The following NIBAN2 variants were observed in gnomAD, a reference collection of about 807,000 sequenced individuals.
The protein encoded by NIBAN2 is niban apoptosis regulator 2.
A neutral mutation model predicts 81.8 loss-of-function variants in NIBAN2; 36 were observed. The ratio of observed to expected loss-of-function variants is 0.44; its 90% CI spans 0.34 to 0.58. The LOEUF (loss-of-function observed/expected upper bound fraction) is 0.58. NIBAN2 is among the 20% of genes least tolerant of loss of function. The pLI is 0.02. For synonymous variants in NIBAN2, 445 were observed against 441.6 expected, an observed-to-expected ratio of 1.01 and a Z score of -0.10; for missense variants, 897 against 1,014.1, an observed-to-expected ratio of 0.88 and a Z score of 1.57.
At chr9:127,568,109 G>A (rs868768686) in intron 1 of NIBAN2, among the ~76,000 whole-genome samples, 37 of 152,234 alleles carry the variant, frequency 2.4e-4, no homozygotes, top group Non-Finnish European at 2.6e-4. Flanking sequence ...TGGCCACTGT[G>A]CAGTAATAGG....
At chr9:127,578,675 AAAAAG>A (rs1215603271) in intron 1 of NIBAN2, among the ~76,000 whole-genome samples, 1 of 146,452 alleles carries the variant, frequency 6.8e-6, no homozygotes, top group Non-Finnish European at 1.5e-5. Flanking sequence ...CCTAAAAAAA[AAAAAG>A]AAAAGAAAAG....
chr9:127,571,147 A>G (rs192318698), upstream of NIBAN2, among the ~76,000 whole-genome samples: 27 of 152,258 alleles, frequency 1.8e-4, 1 homozygote, highest in African/African-American at 5.8e-4. Context: ...ATGGGGCCAC[A>G]GTGGCCTTTC....
chr9:127,515,535 A>C (rs1222654547), intron 8 of NIBAN2, among the ~76,000 whole-genome samples: 10 of 68,468 alleles, frequency 1.5e-4, no homozygotes, highest in Middle Eastern at 0.017. Context: ...AAAAAAAAAA[A>C]AAAACAAACA....
chr9:127,552,856 T>A (rs1837604074), intron 1 of NIBAN2, among the ~76,000 whole-genome samples: 1 of 152,014 alleles, frequency 6.6e-6, no homozygotes. Flanking sequence ...CACGCCTGGC[T>A]AATTTTTGTA....
chr9:127,505,520 G>T lies in NIBAN2; in HGVS notation c.*1325C>A. The T allele has an allele frequency of 6.5e-6, 1 of 152,856 alleles. No individual in the cohort carries two copies. The highest frequency in any genetic ancestry group is 1.5e-5 in the Non-Finnish European group (1 of 68,112). 9.5% of individuals were successfully genotyped at this position (152,856 alleles called of 1,614,324 possible). On this transcript the variant is annotated 3_prime_UTR_variant, in exon 14 of 14. Transcript: ENST00000373312. ...CTGCGGCAGCTGGGGGTCCCTGAGTGCCAGGCGCCACCACACGTCCTGTGG... is the reference window on the plus strand; with the variant it reads ...CTGCGGCAGCTGGGGGTCCCTGAGTTCCAGGCGCCACCACACGTCCTGTGG...
chr9:127,527,077 G>T, intron 3 of NIBAN2, 117 bp downstream of exon 3: 1 of 1,316,344 alleles, frequency 7.6e-7, no homozygotes, highest in Non-Finnish European at 1.1e-6. Flanking sequence ...CTCTGGCCCT[G>T]GTGACCGCGT....
chr9:127,547,752 G>T (rs997380482), intron 1 of NIBAN2, among the ~76,000 whole-genome samples: 1 of 151,718 alleles, frequency 6.6e-6, no homozygotes, highest in African/African-American at 2.4e-5. Context: ...CAGGAGAATC[G>T]CTTGAACCCT....
intron 3 of NIBAN2, among the ~76,000 whole-genome samples, chr9:127,525,666 C>T (rs1248477515): frequency 6.6e-6 from 1 of 152,138 alleles, no homozygotes; most frequent in African/African-American, 2.4e-5. Context: ...CCAGCAGCTC[C>T]ACTAGTTAAG....
chr9:127,526,874 G>T (rs149780220), intron 3 of NIBAN2, among the ~76,000 whole-genome samples: 216 of 152,286 alleles, frequency 1.4e-3, no homozygotes, highest in Admixed American at 5.3e-3. Context: ...GGAAGGAGGT[G>T]GCAGGAGGAA....
chr9:127,545,213 G>A lies in NIBAN2; in HGVS notation c.56-13435C>T, dbSNP rs1837449453. 6.6e-6 allele frequency among the ~76,000 whole-genome samples: 1 copy of A among 151,982 alleles called. No individual in the cohort carries two copies. Among genetic ancestry groups the A allele is most frequent in the Non-Finnish European group, 1.5e-5 (1 of 67,992 alleles). On this transcript the variant is annotated intron_variant, in intron 1 of 13. Coordinates refer to ENST00000373312, the MANE Select transcript of NIBAN2 (RefSeq NM_022833.4). The surrounding 1 kb of genome is among the most constrained non-coding windows in gnomAD (Gnocchi z 4.7). Reference sequence around the variant, plus strand: ...GCCAACTCCTCTTTCTCCTCCCCAGGCTCAAGTGCCACCTCCTCGGAACCC... The same window carrying A: ...GCCAACTCCTCTTTCTCCTCCCCAGACTCAAGTGCCACCTCCTCGGAACCC...
chr9:127,523,969 G>T, intron 4 of NIBAN2, 123 bp from the exon 5 acceptor site: 1 of 1,063,952 alleles, frequency 9.4e-7, no homozygotes, highest in Non-Finnish European at 1.4e-6. Flanking sequence ...AGGCCAGCCT[G>T]TCCCAAGGTG....
chr9:127,533,019 A>G (rs1837212718), intron 1 of NIBAN2, among the ~76,000 whole-genome samples: 1 of 152,146 alleles, frequency 6.6e-6, no homozygotes. Context: ...TTAGCCAGGC[A>G]TGGTGGCGGG....
Position 127,529,734 on chromosome 9 carries a change from C to A in NIBAN2, c.186+1914G>T, listed in dbSNP as rs144275814. 2.3e-3 allele frequency among the ~76,000 whole-genome samples: 343 copies of A among 152,266 alleles called. 1 individual carries two copies. Among genetic ancestry groups the A allele is most frequent in the African/African-American group, 7.7e-3 (320 of 41,556 alleles). ...TATTATCACTATTTTTATTTGTATT[C>A]TATTATTGTTTCTAATAAAAACCAC... On this transcript the variant is annotated intron_variant, in intron 2 of 13. Coordinates refer to ENST00000373312, the MANE Select transcript of NIBAN2 (RefSeq NM_022833.4).
At chr9:127,521,837 G>GT (rs145613322) in intron 5 of NIBAN2, among the ~76,000 whole-genome samples, 62 of 152,284 alleles carry the variant, frequency 4.1e-4, no homozygotes, top group Admixed American at 2.0e-3. Flanking sequence ...TCCCCACTGA[G>GT]TGCTCACTGT....
chr9:127,533,067 A>C (rs1443859734), intron 1 of NIBAN2, among the ~76,000 whole-genome samples: 6 of 151,788 alleles, frequency 4.0e-5, no homozygotes, highest in Admixed American at 3.9e-4. Context: ...CTGAGACAGG[A>C]GAATCACTTG....
At position 127,531,637 on chromosome 9, in the gene NIBAN2, G is replaced by C; in HGVS notation, c.186+11C>G. On this transcript the variant is annotated intron_variant, in intron 2 of 13. Transcript: ENST00000373312. ...AGCAGAACATACCCGAGCCCTCCCAGCACCTCTCACCTTGCGCCAGAGCAG... is the reference window on the plus strand; with the variant it reads ...AGCAGAACATACCCGAGCCCTCCCACCACCTCTCACCTTGCGCCAGAGCAG... 6.2e-7 allele frequency: 1 copy of C among 1,611,406 alleles called. No homozygotes were observed. Among genetic ancestry groups the C allele is most frequent in the Non-Finnish European group, 8.5e-7 (1 of 1,179,680 alleles).
At chr9:127,531,616 G>T in intron 2 of NIBAN2, 32 bp downstream of exon 2, 1 of 1,605,456 alleles carries the variant, frequency 6.2e-7, no homozygotes, top group Non-Finnish European at 8.5e-7. Flanking sequence ...AGAAGTAGCA[G>T]AACATACCCG....
chr9:127,521,982 C>T (rs1042407972), intron 5 of NIBAN2, among the ~76,000 whole-genome samples: 3 of 152,248 alleles, frequency 2.0e-5, no homozygotes, highest in Admixed American at 6.5e-5. Flanking sequence ...TCTGTGCCCA[C>T]CCCTTCCCTA....
chr9:127,517,120 A>ACTGCCG lies in NIBAN2; in HGVS notation c.796_801dup (p.Arg266_Gln267dup). The stretch of plus-strand genomic sequence containing the variant: ...GCCCCAGGCCCACCCACCTGGATCC[A>ACTGCCG]CTGCCGCTGCCGCTCCTGCGGTTTC... On this transcript the variant is annotated inframe_insertion, in exon 7 of 14. Transcript: ENST00000373312. The surrounding 1 kb of genome is among the most constrained non-coding windows in gnomAD (Gnocchi z 4.0). 1 of 1,613,306 alleles carries ACTGCCG rather than the reference A, an allele frequency of 6.2e-7. No individual in the cohort carries two copies. The highest frequency in any genetic ancestry group is 8.5e-7 in the Non-Finnish European group (1 of 1,179,626).
Sources: allele counts gnomAD v4.1 joint callset (sites outside exome capture counted in the v4.1 genomes callset), GRCh38; gene constraint gnomAD v4.1.1; non-coding constraint Gnocchi (gnomAD v3.1); transcripts MANE v1.5; gene names NCBI Gene and HGNC (gene_info 2026-07-23, HGNC 2026-07-21).